Variants in SNTG2 observed in about 807,000 individuals in gnomAD.
SNTG2 encodes gamma-2-syntrophin.
In SNTG2, 74 loss-of-function variants were observed where a neutral mutation model predicts 70.9. The ratio of observed to expected loss-of-function variants is 1.04; its 90% CI spans 0.86 to 1.27. SNTG2 has a LOEUF of 1.27. Among genes scored for constraint, SNTG2 ranks in the 50% most tolerant of loss-of-function variants. The pLI, the probability that SNTG2 is intolerant of heterozygous loss-of-function variation, is 0.00. For synonymous variants in SNTG2, 278 were observed against 273.8 expected (o/e 1.02, Z -0.15); for missense variants, 717 against 690.7 (o/e 1.04, Z -0.43).
chr2:1,234,957 T>C (rs937965624), intron 9 of SNTG2, among the ~76,000 whole-genome samples: 8 of 152,210 alleles, frequency 5.3e-5, no homozygotes, highest in African/African-American at 1.9e-4. Flanking sequence ...GGTGCATACG[T>C]CACCAACCCT....
intron 1 of SNTG2, among the ~76,000 whole-genome samples, chr2:1,028,095 A>AAGCTCTGG: frequency 6.6e-6 from 1 of 151,358 alleles, no homozygotes; most frequent in Admixed American, 6.6e-5. Context: ...CACAGGCACT[A>AAGCTCTGG]CTCAGCAAGT....
chr2:1,064,664 T>G (rs1396597271), intron 1 of SNTG2, among the ~76,000 whole-genome samples: 1 of 152,072 alleles, frequency 6.6e-6, no homozygotes, highest in Non-Finnish European at 1.5e-5. Context: ...TGTTAGGAAA[T>G]TTTAAGAATC....
intron 4 of SNTG2, among the ~76,000 whole-genome samples, chr2:1,117,506 G>A (rs1184968433): frequency 6.6e-6 from 1 of 152,084 alleles, no homozygotes; most frequent in African/African-American, 2.4e-5. Context: ...GGGCAGGCAC[G>A]GCCTCCTGCC....
chr2:955,921 T>G (rs933019072), intron 1 of SNTG2, among the ~76,000 whole-genome samples: 12 of 152,166 alleles, frequency 7.9e-5, no homozygotes, highest in African/African-American at 2.9e-4. Flanking sequence ...GGGGCCCACA[T>G]CTGCCACTGT....
Position 1,035,366 on chromosome 2 carries a change from T to C in SNTG2, c.73-48152T>C, listed in dbSNP as rs140152904. On this transcript the variant is annotated intron_variant, in intron 1 of 16. Transcript: ENST00000308624. ...GATTGTCTGTAACTGATCCTGGCAGTGCTCTATGGTGCTGTAGAATGAGTA... is the reference window on the plus strand; with the variant it reads ...GATTGTCTGTAACTGATCCTGGCAGCGCTCTATGGTGCTGTAGAATGAGTA... Among the ~76,000 whole-genome samples, 29 of 152,308 alleles carry C rather than the reference T, an allele frequency of 1.9e-4. No homozygotes were observed. In the East Asian group the frequency reaches 2.7e-3, roughly 14 times the overall value.
chr2:956,196 C>CCTGCCA (rs1660145692), intron 1 of SNTG2, among the ~76,000 whole-genome samples: 1 of 114,176 alleles, frequency 8.8e-6, no homozygotes, highest in Non-Finnish European at 2.0e-5. Flanking sequence ...CTACCCCTGC[C>CCTGCCA]CTGCCACTGC....
chr2:1,233,282 G>GT (rs1455189942), intron 9 of SNTG2, among the ~76,000 whole-genome samples: 3 of 152,164 alleles, frequency 2.0e-5, no homozygotes, highest in African/African-American at 7.2e-5. Context: ...CATTGGTAGC[G>GT]GATGTAGCAG....
chr2:1,321,190 T>C (rs963133288), intron 16 of SNTG2, among the ~76,000 whole-genome samples: 4 of 152,212 alleles, frequency 2.6e-5, no homozygotes, highest in Admixed American at 2.6e-4. Flanking sequence ...GTTCCTACTA[T>C]CATTAAAATG....
intron 1 of SNTG2, among the ~76,000 whole-genome samples, chr2:961,912 G>T (rs192396475): frequency 2.6e-5 from 4 of 152,328 alleles, no homozygotes; most frequent in Admixed American, 2.0e-4. Flanking sequence ...CACACTTCAT[G>T]TGAAGCTGCT....
At chr2:1,234,798 T>C (rs1229688515) in intron 9 of SNTG2, among the ~76,000 whole-genome samples, 4 of 152,092 alleles carry the variant, frequency 2.6e-5, no homozygotes, top group Non-Finnish European at 5.9e-5. Flanking sequence ...TCTACTCACA[T>C]CTTATTCCTG....
chr2:1,154,895 G>T (rs28576374), intron 6 of SNTG2, among the ~76,000 whole-genome samples: 2 of 135,416 alleles, frequency 1.5e-5, no homozygotes, highest in Non-Finnish European at 3.2e-5. Context: ...CACACACAAA[G>T]ACACATACCA....
intron 9 of SNTG2, among the ~76,000 whole-genome samples, chr2:1,216,904 G>A (rs1017741807): frequency 2.0e-5 from 3 of 151,406 alleles, no homozygotes; most frequent in Non-Finnish European, 4.4e-5. Flanking sequence ...TTTTGTAAGG[G>A]GCTCTTTCCC....
chr2:957,187 T>C (rs1338157127), intron 1 of SNTG2, among the ~76,000 whole-genome samples: 4 of 152,218 alleles, frequency 2.6e-5, no homozygotes, highest in African/African-American at 9.6e-5. Flanking sequence ...ATAGTTAGCA[T>C]AGGTCATATG....
intron 16 of SNTG2, among the ~76,000 whole-genome samples, chr2:1,350,579 A>G (rs1385404420): frequency 1.3e-5 from 2 of 152,230 alleles, no homozygotes; most frequent in African/African-American, 2.4e-5. Flanking sequence ...GCTTTGAAAT[A>G]TAAGCACACT....
intron 1 of SNTG2, chr2:1,068,393 G>T (rs1663296068): frequency 6.6e-6 from 1 of 152,154 alleles, no homozygotes; most frequent in Non-Finnish European, 1.5e-5. Context: ...AATTAACACG[G>T]TTTCCACAGT....
intron 1 of SNTG2, among the ~76,000 whole-genome samples, chr2:986,731 T>C (rs1661335753): frequency 6.8e-6 from 1 of 147,296 alleles, no homozygotes; most frequent in African/African-American, 2.6e-5. Context: ...GGGTTCGTTC[T>C]TTTAGTAGAA....
chr2:1,322,047 A>G (rs116221057), intron 16 of SNTG2, among the ~76,000 whole-genome samples: 2,300 of 152,152 alleles, frequency 0.015, 55 homozygotes, highest in African/African-American at 0.052. Flanking sequence ...AAATGAGTTG[A>G]CTACTTTTAG....
intron 14 of SNTG2, among the ~76,000 whole-genome samples, chr2:1,281,578 C>T (rs528607322): frequency 6.6e-6 from 1 of 151,294 alleles, no homozygotes; most frequent in African/African-American, 2.4e-5. Flanking sequence ...AGTGTGCATC[C>T]ATTATCACAG....
intron 1 of SNTG2, among the ~76,000 whole-genome samples, chr2:1,039,759 G>A (rs577470085): frequency 6.6e-6 from 1 of 152,262 alleles, no homozygotes; most frequent in African/African-American, 2.4e-5. Context: ...ACACCACTGG[G>A]AAGCTGTGCA....
Sources: allele counts gnomAD v4.1 joint callset (sites outside exome capture counted in the v4.1 genomes callset), GRCh38; gene constraint gnomAD v4.1.1; transcripts MANE v1.5; gene names NCBI Gene and HGNC (gene_info 2026-07-23, HGNC 2026-07-21).